Variants in NRG2 observed in about 807,000 individuals in gnomAD.
NRG2 encodes pro-neuregulin-2, membrane-bound isoform.
A neutral mutation model predicts 73.9 loss-of-function variants in NRG2; 27 were observed. That is an observed-to-expected ratio of 0.37 (90% CI 0.27 to 0.50). The LOEUF is 0.50. Among genes scored for constraint, NRG2 ranks in the 20% least tolerant of loss-of-function variants. The probability of loss-of-function intolerance (pLI) is 0.96; values close to 1 mark genes in which losing one functional copy is unlikely to be tolerated. For missense variants in NRG2, 1,126 were observed against 1,210.1 expected, an observed-to-expected ratio of 0.93 and a Z score of 1.03; for synonymous variants, 532 against 541.0, an observed-to-expected ratio of 0.98 and a Z score of 0.23.
At chr5:139,926,520 T>C (rs113345386) in intron 1 of NRG2, among the ~76,000 whole-genome samples, 3 of 152,268 alleles carry the variant, frequency 2.0e-5, no homozygotes, top group Non-Finnish European at 2.9e-5. Flanking sequence ...CCGTGAGTGA[T>C]GATGCTATGC....
At chr5:140,038,311 TTA>T (rs1761661577) in intron 1 of NRG2, among the ~76,000 whole-genome samples, 1 of 152,296 alleles carries the variant, frequency 6.6e-6, no homozygotes, top group South Asian at 2.1e-4. Flanking sequence ...GACGGTTGTT[TTA>T]TTTTTGTTTA....
chr5:140,011,376 A>G (rs367832769), intron 1 of NRG2, among the ~76,000 whole-genome samples: 2 of 152,190 alleles, frequency 1.3e-5, no homozygotes, highest in African/African-American at 4.8e-5. Context: ...CTTATCGCCT[A>G]GTACTCCTGC....
chr5:139,992,218 T>C (rs1184981974), intron 1 of NRG2, among the ~76,000 whole-genome samples: 1 of 152,230 alleles, frequency 6.6e-6, no homozygotes, highest in Non-Finnish European at 1.5e-5. Flanking sequence ...GTTAGATTTA[T>C]TTTTAAGTAT....
intron 2 of NRG2, among the ~76,000 whole-genome samples, chr5:139,886,140 C>T (rs531538891): frequency 1.4e-4 from 21 of 152,330 alleles, no homozygotes; most frequent in Admixed American, 1.3e-3. Flanking sequence ...TTGATCTAAG[C>T]CAAACTCTTC....
chr5:139,996,996 G>C (rs904568240), intron 1 of NRG2, among the ~76,000 whole-genome samples: 2 of 151,876 alleles, frequency 1.3e-5, no homozygotes, highest in African/African-American at 4.8e-5. Flanking sequence ...CAAAAAATTA[G>C]CAGGGCATGG....
chr5:139,850,225 C>T (rs1761325916), intron 9 of NRG2, among the ~76,000 whole-genome samples: 1 of 152,248 alleles, frequency 6.6e-6, no homozygotes, highest in Non-Finnish European at 1.5e-5. Context: ...TGCACATGAT[C>T]TCAGGTGGCC....
At chr5:140,012,497 T>C (rs1759439595) in intron 1 of NRG2, among the ~76,000 whole-genome samples, 1 of 152,206 alleles carries the variant, frequency 6.6e-6, no homozygotes, top group African/African-American at 2.4e-5. Context: ...TCTTCTCTAG[T>C]CGTCTTGTGC....
intron 1 of NRG2, among the ~76,000 whole-genome samples, chr5:139,999,265 C>G (rs896783914): frequency 3.9e-5 from 6 of 152,242 alleles, no homozygotes; most frequent in Non-Finnish European, 1.5e-5. Flanking sequence ...CTCATTCCTG[C>G]TTCTTGCAAT....
chr5:140,017,753 G>A (rs1197891055), intron 1 of NRG2, among the ~76,000 whole-genome samples: 2 of 152,162 alleles, frequency 1.3e-5, no homozygotes, highest in Non-Finnish European at 2.9e-5. Flanking sequence ...CAAGGAGATT[G>A]GTTGCGAAAG....
At chr5:139,931,053 C>T (rs1423844184) in intron 1 of NRG2, among the ~76,000 whole-genome samples, 1 of 152,196 alleles carries the variant, frequency 6.6e-6, no homozygotes, top group Non-Finnish European at 1.5e-5. Flanking sequence ...CTAACTTTGG[C>T]ACTAACTTTG....
intron 1 of NRG2, among the ~76,000 whole-genome samples, chr5:139,990,010 G>A (rs543018110): frequency 3.4e-4 from 51 of 151,364 alleles, no homozygotes; most frequent in South Asian, 6.2e-4. Flanking sequence ...GGATGGTCTT[G>A]ATCTCCTGAC....
chr5:139,988,636 C>G (rs1664836850), intron 1 of NRG2, among the ~76,000 whole-genome samples: 1 of 151,666 alleles, frequency 6.6e-6, no homozygotes, highest in Non-Finnish European at 1.5e-5. Context: ...GAGGTTGGGG[C>G]AAGGGAAGGA....
chr5:140,041,902 C>T (rs955793303), intron 1 of NRG2, among the ~76,000 whole-genome samples: 2 of 152,102 alleles, frequency 1.3e-5, no homozygotes, highest in African/African-American at 2.4e-5. Flanking sequence ...AACTTGTAAG[C>T]GGAGGCCTTC....
chr5:140,010,846 C>T (rs144152280), intron 1 of NRG2, among the ~76,000 whole-genome samples: 1 of 152,338 alleles, frequency 6.6e-6, no homozygotes, highest in African/African-American at 2.4e-5. Flanking sequence ...CGGACACATC[C>T]GTGCTCCCCC....
intron 1 of NRG2, among the ~76,000 whole-genome samples, chr5:140,030,559 C>T (rs573588555): frequency 3.3e-5 from 5 of 152,320 alleles, no homozygotes; most frequent in South Asian, 2.1e-4. Flanking sequence ...CTCCAGCTCC[C>T]GCTTGCCCTT....
rs1355464165 is a variant in NRG2, at chr5:139,994,503, AGTT to A, written c.700+47864_700+47866del. Among the ~76,000 whole-genome samples the A allele has an allele frequency of 5.3e-5, 8 of 152,220 alleles. No individual in the cohort carries two copies. In the East Asian group the frequency reaches 7.7e-4, roughly 15 times the overall value. On this transcript the variant is annotated intron_variant, in intron 1 of 9. Transcript: ENST00000361474. Reference sequence around the variant, plus strand: ...AAATGCCAACTAAAGTGAAATAGGGAGTTGTTGTTTAACGGGTATAGAGTTTCA... The same window carrying A: ...AAATGCCAACTAAAGTGAAATAGGGAGTTGTTTAACGGGTATAGAGTTTCA...
At chr5:139,898,659 G>A (rs1189897625) in intron 1 of NRG2, among the ~76,000 whole-genome samples, 1 of 152,222 alleles carries the variant, frequency 6.6e-6, no homozygotes, top group African/African-American at 2.4e-5. Flanking sequence ...AGGAGCTCCT[G>A]ACTGTGCCGT....
chr5:139,851,958 C>T lies in NRG2; in HGVS notation c.1545-127G>A. 1 of 750,234 alleles carries T rather than the reference C, an allele frequency of 1.3e-6. No homozygotes were observed. Among genetic ancestry groups the T allele is most frequent in the South Asian group, 1.8e-5 (1 of 56,234 alleles). 46.5% of individuals were successfully genotyped at this position (750,234 alleles called of 1,614,324 possible). On this transcript the variant is annotated intron_variant, in intron 8 of 9. Transcript: ENST00000361474. The surrounding 1 kb of genome is among the most constrained non-coding windows in gnomAD (Gnocchi z 4.2). The stretch of plus-strand genomic sequence containing the variant: ...TCCCTTAGCTCAATGCCCTTCTCCA[C>T]TCTGGGGTGATGTGTATTGTTGCAA...
chr5:139,848,776 T>TGGGGG, intron 9 of NRG2, 79 bp from the exon 10 acceptor site: 1 of 39,556 alleles, frequency 2.5e-5, no homozygotes, highest in Non-Finnish European at 4.7e-5. Context: ...TGGGGTAGGG[T>TGGGGG]GGGAGGGGCG....
Sources: allele counts gnomAD v4.1 joint callset (sites outside exome capture counted in the v4.1 genomes callset), GRCh38; gene constraint gnomAD v4.1.1; non-coding constraint Gnocchi (gnomAD v3.1); transcripts MANE v1.5; gene names NCBI Gene and HGNC (gene_info 2026-07-23, HGNC 2026-07-21).